SLC7A6OS: variants seen among roughly 807,000 people sequenced by gnomAD.
SLC7A6OS encodes the protein probable RNA polymerase II nuclear localization protein SLC7A6OS.
SLC7A6OS carries 22 observed loss-of-function variants against 34.3 expected under a neutral mutation model. The observed-to-expected ratio is 0.64, with a 90% CI of 0.46 to 0.92. The LOEUF (loss-of-function observed/expected upper bound fraction) is 0.92, where lower values mean the gene tolerates loss of function less well. Ranked by LOEUF, SLC7A6OS falls within the 40% of genes least tolerant of loss-of-function variation. The pLI, the probability that SLC7A6OS is intolerant of heterozygous loss-of-function variation, is 0.00. For missense variants in SLC7A6OS, 434 were observed against 407.7 expected (o/e 1.06, Z -0.56); for synonymous variants, 199 against 165.0 (o/e 1.21, Z -1.58).
intron 4 of SLC7A6OS, chr16:68,301,656 C>T: frequency 3.2e-6 from 1 of 313,598 alleles, no homozygotes; most frequent in East Asian, 5.8e-5. Context: ...TCACTTCTCC[C>T]CTCCGTATAG....
chr16:68,301,544 G>A (rs766006182), intron 4 of SLC7A6OS, 139 bp from the exon 5 acceptor site: 6 of 635,024 alleles, frequency 9.4e-6, no homozygotes, highest in African/African-American at 1.9e-5. Flanking sequence ...AAAGAATATA[G>A]AATTCTTTTT....
intron 1 of SLC7A6OS, 60 bp from the exon 2 acceptor site, chr16:68,310,673 T>A: frequency 6.3e-7 from 1 of 1,580,238 alleles, no homozygotes; most frequent in East Asian, 2.3e-5. Flanking sequence ...GGGTCAGGGA[T>A]CGGGTTTCGT....
Position 68,299,720 on chromosome 16 carries a change from CTT to C in SLC7A6OS, c.*1553_*1554del, listed in dbSNP as rs1310881154. The C allele has an allele frequency of 1.3e-5, 2 of 152,122 alleles. No homozygotes were observed. The highest frequency in any genetic ancestry group is 2.9e-5 in the Non-Finnish European group (2 of 68,026). The allele number at this position is 152,122 out of a possible 1,614,324, so 9.4% of individuals were successfully genotyped here. Reference sequence around the variant, plus strand: ...TGCTGTATGAGAATGGCTTTCAATCCTTTGTTTCTATGCCTACAGACAGAAAG... The same window carrying C: ...TGCTGTATGAGAATGGCTTTCAATCCTGTTTCTATGCCTACAGACAGAAAG... On this transcript the variant is annotated 3_prime_UTR_variant, in exon 5 of 5. Coordinates refer to ENST00000263997, the MANE Select transcript of SLC7A6OS (RefSeq NM_032178.3).
rs1181907131 is a variant in SLC7A6OS, at chr16:68,299,787, A to G, written c.*1488T>C. On this transcript the variant is annotated 3_prime_UTR_variant, in exon 5 of 5. Transcript: ENST00000263997. ...TTAGACATACAAGTTGCTGCCTGTT[A>G]TAACGGTGAATTATACCTTTGTGCA... The G allele has an allele frequency of 6.6e-6, 1 of 152,206 alleles. No individual in the cohort carries two copies. The highest frequency in any genetic ancestry group is 1.9e-4 in the East Asian group (1 of 5,206). The allele number at this position is 152,206 out of a possible 1,614,324, so 9.4% of individuals were successfully genotyped here. A position where few individuals can be genotyped will look rare whatever the true frequency, so the allele number is the denominator to read the frequency against.
chr16:68,310,897 C>A lies in SLC7A6OS; in HGVS notation c.30G>T (p.Arg10=), dbSNP rs755777695. The stretch of plus-strand genomic sequence containing the variant: ...GCTCCGCACTGCGCTTCCGCTTCAC[C>A]CGGAGTACAGCGGTCCTGGCGGCCT... MEAARTAVL[R]VKRKRSAEPA... Residue 10 remains arginine, a synonymous_variant, in exon 1 of 5, where the codon CGG becomes CGT. Coordinates refer to ENST00000263997, the MANE Select transcript of SLC7A6OS (RefSeq NM_032178.3). 3 of 1,600,594 alleles carry A rather than the reference C, an allele frequency of 1.9e-6. No individual in the cohort carries two copies. The South Asian group carries it at 3.3e-5, about 18-fold the overall frequency.
At position 68,310,870 on chromosome 16, in the gene SLC7A6OS, C is replaced by G; in HGVS notation, c.57G>C (p.Pro19=). 1 of 1,609,918 alleles carries G rather than the reference C, an allele frequency of 6.2e-7. No homozygotes were observed. The highest frequency in any genetic ancestry group is 8.5e-7 in the Non-Finnish European group (1 of 1,178,950). The change falls in exon 1 of 5, where the codon CCG becomes CCC. Residue 19 remains proline (P), a synonymous_variant. Transcript: ENST00000263997. ...LRVKRKRSAE[P]AEALVLACKR... is the part of the protein sequence containing the mutation. ...TACAAGCGAGCACAAGAGCCTCCGC[C>G]GGCTCCGCACTGCGCTTCCGCTTCA...
intron 2 of SLC7A6OS, among the ~76,000 whole-genome samples, chr16:68,308,828 G>A (rs1414841486): frequency 5.3e-5 from 8 of 151,914 alleles, no homozygotes; most frequent in Non-Finnish European, 1.0e-4. Flanking sequence ...TGAGGCGGGC[G>A]GATCACTGAG....
rs984116900 is a variant in SLC7A6OS at position 68,303,804 on chromosome 16, A to G, written c.678+222T>C. On this transcript the variant is annotated intron_variant, in intron 3 of 4. Coordinates refer to ENST00000263997, the MANE Select transcript of SLC7A6OS (RefSeq NM_032178.3). The stretch of plus-strand genomic sequence containing the variant: ...GGTGATGTTGCAAACCTTGTAAAAT[A>G]TTCATTAATGTAAAAATGATCAATC... The G allele has an allele frequency of 2.0e-5, 11 of 552,090 alleles. No individual in the cohort carries two copies. In the Admixed American group the frequency reaches 2.9e-4, roughly 15 times the overall value. The allele number at this position is 552,090 out of a possible 1,614,324, so 34.2% of individuals were successfully genotyped here.
rs1300365446 is a variant in SLC7A6OS, at chr16:68,310,452, G to A, written c.354C>T (p.Gly118=). ...TCCCCGGCGTGTACTCGGACTCCTG[G>A]CCGCTCGAGGTGGTCCCCAAGGATC... The part of the protein sequence containing the change: ...SRRSLGTTSS[G]QESEYTPGNP... Residue 118 remains glycine (G), a synonymous_variant, in exon 2 of 5, where the codon GGC becomes GGT. Transcript: ENST00000263997. 3 of 1,602,996 alleles carry A rather than the reference G, an allele frequency of 1.9e-6. No homozygotes were observed. The highest frequency in any genetic ancestry group is 2.6e-6 in the Non-Finnish European group (3 of 1,175,114).
chr16:68,303,222 C>T (rs2043299599), intron 3 of SLC7A6OS, among the ~76,000 whole-genome samples: 1 of 149,176 alleles, frequency 6.7e-6, no homozygotes, highest in Admixed American at 6.7e-5. Flanking sequence ...CAAGATTGCA[C>T]CATTGCACTC....
chr16:68,302,602 G>A (rs952085986), intron 3 of SLC7A6OS, 101 bp from the exon 4 acceptor site: 13 of 1,462,164 alleles, frequency 8.9e-6, no homozygotes, highest in South Asian at 1.2e-5. Context: ...TCATGTAAAA[G>A]TGCCCTGTGA....
chr16:68,308,354 G>A (rs1597024020), intron 2 of SLC7A6OS, among the ~76,000 whole-genome samples: 1 of 152,096 alleles, frequency 6.6e-6, no homozygotes, highest in Non-Finnish European at 1.5e-5. Context: ...CCAGCTGGAC[G>A]TGGTGGCTCA....
intron 3 of SLC7A6OS, 127 bp from the exon 4 acceptor site, chr16:68,302,628 G>C (rs2043293063): frequency 6.7e-6 from 7 of 1,042,580 alleles, no homozygotes; most frequent in Non-Finnish European, 1.0e-5. Context: ...CTGCAGACTA[G>C]TAGTTTGACT....
Position 68,300,556 on chromosome 16 carries a change from T to C in SLC7A6OS, c.*719A>G. ...TATAATCAATGCTGAACCTTCTATT[T>C]CACTACCGCTCCCTGTTTTAGATAT... On this transcript the variant is annotated 3_prime_UTR_variant, in exon 5 of 5. Transcript: ENST00000263997. 5.3e-6 allele frequency: 5 copies of C among 937,412 alleles called. No individual in the cohort carries two copies. The highest frequency in any genetic ancestry group is 6.4e-6 in the Non-Finnish European group (5 of 786,242). The allele number at this position is 937,412 out of a possible 1,614,324, so 58.1% of individuals were successfully genotyped here. A position where few individuals can be genotyped will look rare whatever the true frequency, so the allele number is the denominator to read the frequency against.
intron 2 of SLC7A6OS, among the ~76,000 whole-genome samples, chr16:68,308,334 T>G (rs1040853623): frequency 2.6e-5 from 4 of 151,978 alleles, no homozygotes; most frequent in African/African-American, 9.7e-5. Flanking sequence ...GCTATCCACT[T>G]ACACTAGCAC....
At chr16:68,306,311 C>T (rs1377639103) in intron 2 of SLC7A6OS, among the ~76,000 whole-genome samples, 12 of 152,038 alleles carry the variant, frequency 7.9e-5, no homozygotes, top group African/African-American at 2.4e-4. Flanking sequence ...CTCTGCCTCC[C>T]GGGTTCAAGT....
At position 68,301,103 on chromosome 16, in the gene SLC7A6OS, T is replaced by C. The variant is rs886871940; in HGVS notation, c.*172A>G. On this transcript the variant is annotated 3_prime_UTR_variant, in exon 5 of 5. Coordinates refer to ENST00000263997, the MANE Select transcript of SLC7A6OS (RefSeq NM_032178.3). ...CCTACTGTAAGTGGAAAAGACTCAC[T>C]CCCCTAACATAAGTTTTCACTGTGG... is the stretch of plus-strand genomic sequence containing the variant. 7.1e-5 allele frequency: 94 copies of C among 1,329,296 alleles called. 1 individual carries two copies. In the Middle Eastern group the frequency reaches 1.5e-3, roughly 21 times the overall value. The allele number at this position is 1,329,296 out of a possible 1,614,324, so 82.3% of individuals were successfully genotyped here. A position where few individuals can be genotyped will look rare whatever the true frequency, so the allele number is the denominator to read the frequency against.
In SLC7A6OS at chr16:68,302,589, A is replaced by G. The variant is rs562630405; in HGVS notation, c.679-88T>C. ...GTTGTTAGCATACCAGCTTGAAGAGATATCATGTAAAAGTGCCCTGTGAAA... is the reference window on the plus strand; with the variant it reads ...GTTGTTAGCATACCAGCTTGAAGAGGTATCATGTAAAAGTGCCCTGTGAAA... On this transcript the variant is annotated intron_variant, in intron 3 of 4. Transcript: ENST00000263997. The G allele has an allele frequency of 8.8e-4, 1,349 of 1,540,510 alleles. 1 individual carries two copies. The highest frequency in any genetic ancestry group is 1.1e-3 in the Non-Finnish European group (1,274 of 1,121,522).
chr16:68,304,309 G>C, intron 2 of SLC7A6OS, 77 bp from the exon 3 acceptor site: 1 of 1,308,736 alleles, frequency 7.6e-7, no homozygotes, highest in Non-Finnish European at 1.1e-6. Flanking sequence ...CTATGAGTTG[G>C]GTGAAGGAAG....
Sources: gnomAD v4.1 joint callset for allele counts (sites outside exome capture counted in the v4.1 genomes callset) on GRCh38, gnomAD v4.1.1 for gene constraint, MANE v1.5 for transcripts, NCBI Gene and HGNC (gene_info 2026-07-23, HGNC 2026-07-21) for gene names.